Variants in LRBA observed in about 807,000 individuals in gnomAD.
LRBA encodes the protein LPS responsive beige-like anchor protein.
Under a neutral mutation model 330.0 loss-of-function variants are expected in LRBA, and 176 were observed. That is an observed-to-expected ratio of 0.53 (90% CI 0.47 to 0.60). The LOEUF (loss-of-function observed/expected upper bound fraction) is 0.60. Among genes scored for constraint, LRBA ranks in the 20% least tolerant of loss-of-function variants. The pLI is 0.00. For synonymous variants in LRBA, 1,230 were observed against 1,193.0 expected, an observed-to-expected ratio of 1.03 and a Z score of -0.64; for missense variants, 3,259 against 3,444.8, an observed-to-expected ratio of 0.95 and a Z score of 1.35.
chr4:150,698,203 T>C (rs906691184), intron 36 of LRBA, among the ~76,000 whole-genome samples: 3 of 152,170 alleles, frequency 2.0e-5, no homozygotes, highest in Admixed American at 1.3e-4. Context: ...AAATGTTGTA[T>C]AAAATACACT....
At chr4:150,313,228 A>G (rs995859629) in intron 51 of LRBA, among the ~76,000 whole-genome samples, 4 of 152,130 alleles carry the variant, frequency 2.6e-5, no homozygotes, top group African/African-American at 4.8e-5. Flanking sequence ...TGAAATTTCC[A>G]TATGTTAAGG....
rs144482583 is a variant in LRBA, at chr4:150,555,896, G to T, written c.6330+32152C>A. Among the ~76,000 whole-genome samples the T allele has an allele frequency of 1.9e-4, 29 of 152,046 alleles. No homozygotes were observed. The South Asian group carries it at 4.2e-3, about 22-fold the overall frequency. On this transcript the variant is annotated intron_variant, in intron 40 of 56. Coordinates refer to ENST00000651943, the MANE Select transcript of LRBA (RefSeq NM_001364905.1). ...CGGCTCACTGCAGCCTTAATCTCCT[G>T]GGTCCAGCCAATCCTCCCAAGTCAG...
intron 51 of LRBA, among the ~76,000 whole-genome samples, chr4:150,313,371 T>C (rs1204903958): frequency 6.6e-6 from 1 of 152,194 alleles, no homozygotes; most frequent in Admixed American, 6.5e-5. Context: ...CTATTGGATA[T>C]ATTAAACAAT....
At chr4:150,384,040 ATTTAT>A (rs1190201311) in intron 47 of LRBA, among the ~76,000 whole-genome samples, 24 of 151,296 alleles carry the variant, frequency 1.6e-4, no homozygotes, top group Admixed American at 1.6e-3. Flanking sequence ...TTTTTTATTT[ATTTAT>A]TTATTTATTT....
chr4:150,377,531 T>C (rs1741530456), intron 47 of LRBA, among the ~76,000 whole-genome samples: 1 of 152,138 alleles, frequency 6.6e-6, no homozygotes, highest in Non-Finnish European at 1.5e-5. Flanking sequence ...TGGAGGACTG[T>C]TTTAATTCTA....
chr4:150,572,290 G>GT (rs974849902), intron 40 of LRBA, among the ~76,000 whole-genome samples: 11 of 152,078 alleles, frequency 7.2e-5, no homozygotes, highest in South Asian at 6.2e-4. Context: ...CAAATGGTTT[G>GT]TTTTTTCTTT....
At chr4:150,694,707 C>G (rs1315138967) in intron 36 of LRBA, among the ~76,000 whole-genome samples, 1 of 151,702 alleles carries the variant, frequency 6.6e-6, no homozygotes, top group Non-Finnish European at 1.5e-5. Flanking sequence ...CCCCCCATAA[C>G]AGCATTCAAG....
chr4:150,493,753 C>T (rs1007848211), intron 40 of LRBA, among the ~76,000 whole-genome samples: 2 of 152,034 alleles, frequency 1.3e-5, no homozygotes, highest in African/African-American at 4.8e-5. Flanking sequence ...CTGGATTTAC[C>T]AAATATTAGA....
chr4:150,976,175 G>GAAAAAAAAAAAAAAAAAAAAAAA (rs56914557), intron 2 of LRBA, among the ~76,000 whole-genome samples: 1 of 88,732 alleles, frequency 1.1e-5, no homozygotes, highest in Non-Finnish European at 2.3e-5. Context: ...ACTCCGTCTT[G>GAAAAAAAAAAAAAAAAAAAAAAA]AAAAAAAAAA....
intron 22 of LRBA, among the ~76,000 whole-genome samples, chr4:150,866,393 C>T (rs1752694754): frequency 6.6e-6 from 1 of 152,116 alleles, no homozygotes; most frequent in Non-Finnish European, 1.5e-5. Flanking sequence ...ACATAAAGAA[C>T]TCCCACAAAA....
chr4:150,763,429 T>C (rs1039683990), intron 34 of LRBA, among the ~76,000 whole-genome samples: 9 of 152,016 alleles, frequency 5.9e-5, no homozygotes, highest in African/African-American at 1.4e-4. Flanking sequence ...ACTGAATTCA[T>C]ATTTTACCAA....
intron 2 of LRBA, among the ~76,000 whole-genome samples, chr4:150,949,912 C>A (rs1736647936): frequency 6.6e-6 from 1 of 151,862 alleles, no homozygotes; most frequent in Non-Finnish European, 1.5e-5. Flanking sequence ...ATATACTATA[C>A]AAAAAAGATG....
chr4:150,725,397 A>C (rs1040939673), intron 36 of LRBA, among the ~76,000 whole-genome samples: 3 of 152,218 alleles, frequency 2.0e-5, no homozygotes, highest in South Asian at 2.1e-4. Context: ...CAGACTTTTC[A>C]GCGGAAACCT....
chr4:150,544,558 A>G (rs2152232145), intron 40 of LRBA, among the ~76,000 whole-genome samples: 1 of 152,262 alleles, frequency 6.6e-6, no homozygotes, highest in South Asian at 2.1e-4. Context: ...CCCCAAATAG[A>G]TTCAGTGCCC....
intron 36 of LRBA, among the ~76,000 whole-genome samples, chr4:150,723,121 C>G (rs1729152436): frequency 6.6e-6 from 1 of 152,082 alleles, no homozygotes; most frequent in African/African-American, 2.4e-5. Flanking sequence ...GAAAGGAAGT[C>G]TAGGACACAA....
intron 40 of LRBA, among the ~76,000 whole-genome samples, chr4:150,559,921 A>AT (rs1256402041): frequency 1.5e-3 from 107 of 70,074 alleles, no homozygotes; most frequent in Non-Finnish European, 2.0e-3. Flanking sequence ...ATAATATATA[A>AT]ATATAAATAT....
intron 47 of LRBA, among the ~76,000 whole-genome samples, chr4:150,415,118 CT>C (rs1333090531): frequency 6.6e-6 from 1 of 152,146 alleles, no homozygotes; most frequent in African/African-American, 2.4e-5. Flanking sequence ...AATTATGTTC[CT>C]TTCCTGGAAA....
At chr4:151,005,659 C>CA (rs1052443207) in intron 2 of LRBA, among the ~76,000 whole-genome samples, 4 of 139,144 alleles carry the variant, frequency 2.9e-5, no homozygotes, top group African/African-American at 8.4e-5. Context: ...AGCTGGAGCA[C>CA]AGTGGTGCAA....
chr4:150,815,845 G>A (rs549702496), intron 31 of LRBA, among the ~76,000 whole-genome samples: 54 of 151,774 alleles, frequency 3.6e-4, no homozygotes, highest in Non-Finnish European at 6.0e-4. Flanking sequence ...TATACAGTAC[G>A]TAAAGAATTG....
Sources: allele counts gnomAD v4.1 joint callset (sites outside exome capture counted in the v4.1 genomes callset), GRCh38; gene constraint gnomAD v4.1.1; transcripts MANE v1.5; gene names NCBI Gene and HGNC (gene_info 2026-07-23, HGNC 2026-07-21).